Variants in COL21A1 observed in about 807,000 individuals in gnomAD.
COL21A1 encodes the protein collagen type XXI alpha 1 chain.
COL21A1 carries 149 observed loss-of-function variants against 137.9 expected under a neutral mutation model. That is an observed-to-expected ratio of 1.08 (90% CI 0.95 to 1.24). The LOEUF is 1.24. Ranked by LOEUF, COL21A1 falls within the 50% of genes most tolerant of loss-of-function variation. The probability of loss-of-function intolerance (pLI) is 0.00; values close to 1 mark genes in which losing one functional copy is unlikely to be tolerated. For missense variants in COL21A1, 1,167 were observed against 1,158.4 expected, an observed-to-expected ratio of 1.01 and a Z score of -0.11; for synonymous variants, 456 against 391.5, an observed-to-expected ratio of 1.16 and a Z score of -1.95.
At chr6:56,374,720 C>CAA (rs34067784) in intron 1 of COL21A1, among the ~76,000 whole-genome samples, 187 of 86,064 alleles carry the variant, frequency 2.2e-3, no homozygotes, top group African/African-American at 4.6e-3. Context: ...GACTTCGTCT[C>CAA]AAAAAAAAAA....
chr6:56,207,573 C>A (rs1385474852), intron 1 of COL21A1, among the ~76,000 whole-genome samples: 1 of 152,120 alleles, frequency 6.6e-6, no homozygotes, highest in East Asian at 1.9e-4. Context: ...AGTCCAGGAC[C>A]AGATGGATTC....
Position 56,125,568 on chromosome 6 carries a change from T to A in COL21A1, c.1649A>T (p.Lys550Met), listed in dbSNP as rs1333622106. 1 of 1,599,816 alleles carries A rather than the reference T, an allele frequency of 6.3e-7. No homozygotes were observed. Among genetic ancestry groups the A allele is most frequent in the African/African-American group, 1.3e-5 (1 of 74,828 alleles). ...DKGSPGFYGK[K>M]GAKGEKGNAG... ...CTTTGTTGTGTGATCTATACTTCCC[T>A]TTTTGCCATAAAATCCAGGTGATCC... Residue 550 changes from lysine (K) to methionine (M), a missense_variant and splice_region_variant, in exon 14 of 30, where the codon AAG becomes ATG. Coordinates refer to ENST00000244728, the MANE Select transcript of COL21A1 (RefSeq NM_030820.4).
At chr6:56,270,036 C>A (rs1221655666) in intron 1 of COL21A1, among the ~76,000 whole-genome samples, 1 of 152,186 alleles carries the variant, frequency 6.6e-6, no homozygotes, top group Non-Finnish European at 1.5e-5. Flanking sequence ...GTCTACAAAA[C>A]AACTAGCTAG....
At chr6:56,230,157 T>C (rs1781466537) in intron 1 of COL21A1, among the ~76,000 whole-genome samples, 1 of 151,966 alleles carries the variant, frequency 6.6e-6, no homozygotes, top group South Asian at 2.1e-4. Context: ...TGAAAGTCAT[T>C]TTTCTATAGG....
intron 1 of COL21A1, among the ~76,000 whole-genome samples, chr6:56,204,399 C>A (rs894974822): frequency 2.0e-5 from 3 of 152,120 alleles, no homozygotes; most frequent in Non-Finnish European, 2.9e-5. Flanking sequence ...TCAGCAAGGC[C>A]ATTGCTGCCA....
chr6:56,294,657 A>G (rs1208408014), intron 1 of COL21A1, among the ~76,000 whole-genome samples: 1 of 152,102 alleles, frequency 6.6e-6, no homozygotes, highest in Admixed American at 6.6e-5. Flanking sequence ...CAAATGTATA[A>G]TGTGTATAGT....
rs572962193 is a variant in COL21A1, at chr6:56,338,048, C to T, written c.-39+55923G>A. ...CGCAATCTCGGCTCACTGCAACCTC[C>T]GCCTCCCGGGTTCAAGCGATTCTCC... On this transcript the variant is annotated intron_variant, in intron 1 of 28. Transcript: ENST00000370819. 1.9e-3 allele frequency among the ~76,000 whole-genome samples: 292 copies of T among 150,670 alleles called. 1 individual carries two copies. The highest frequency in any genetic ancestry group is 6.9e-3 in the Middle Eastern group (2 of 290).
At chr6:56,108,754 T>C (rs1771164959) in intron 16 of COL21A1, among the ~76,000 whole-genome samples, 1 of 151,918 alleles carries the variant, frequency 6.6e-6, no homozygotes, top group Non-Finnish European at 1.5e-5. Flanking sequence ...TATGAATGTA[T>C]ATTGAGTTTT....
At position 56,375,406 on chromosome 6, in the gene COL21A1, T is replaced by C. The variant is rs1361877170; in HGVS notation, c.-39+18565A>G. Among the ~76,000 whole-genome samples the C allele has an allele frequency of 5.3e-5, 8 of 152,142 alleles. No individual in the cohort carries two copies. The East Asian group carries it at 1.5e-3, about 29-fold the overall frequency. On this transcript the variant is annotated intron_variant, in intron 1 of 28. Transcript: ENST00000370819. ...GTGGTAGGCACCCGTGGAAGAAGGA[T>C]AGGAGGAAAGTGAGTCTGAGATTAT... is the stretch of plus-strand genomic sequence containing the variant.
intron 1 of COL21A1, among the ~76,000 whole-genome samples, chr6:56,327,320 T>C (rs1359831030): frequency 6.6e-6 from 1 of 151,914 alleles, no homozygotes; most frequent in Admixed American, 6.6e-5. Flanking sequence ...GAAATAAAGA[T>C]AAATTACTAA....
intron 1 of COL21A1, among the ~76,000 whole-genome samples, chr6:56,334,972 C>T (rs1447754692): frequency 3.3e-5 from 5 of 152,156 alleles, no homozygotes; most frequent in African/African-American, 1.2e-4. Context: ...GCCTTCAGAA[C>T]TGTGAGAAAT....
Position 56,260,874 on chromosome 6 carries a change from GTGTA to G in COL21A1, c.-38-78222_-38-78219del, listed in dbSNP as rs1339135022. Among the ~76,000 whole-genome samples the G allele has an allele frequency of 1.7e-3, 236 of 141,660 alleles. 1 individual carries two copies. The highest frequency in any genetic ancestry group is 2.6e-3 in the Non-Finnish European group (161 of 62,008). The allele number at this position is 141,660 out of a possible 152,430, so 92.9% of individuals were successfully genotyped here. A position where few individuals can be genotyped will look rare whatever the true frequency, so the allele number is the denominator to read the frequency against. ...TGTGTGTGTGTGTGTGTGTGTGTGT[GTGTA>G]TGTGTGTGTGTGTGTACCTTTTATA... On this transcript the variant is annotated intron_variant, in intron 1 of 28. Coordinates refer to the COL21A1 transcript ENST00000370819.
chr6:56,098,666 AATAT>A (rs1205829932), intron 17 of COL21A1, among the ~76,000 whole-genome samples: 4 of 15,294 alleles, frequency 2.6e-4, no homozygotes, highest in South Asian at 1.7e-3. Context: ...AATATATATA[AATAT>A]ATATATAAAT....
chr6:56,191,857 C>A (rs781769742), intron 1 of COL21A1, among the ~76,000 whole-genome samples: 6 of 152,056 alleles, frequency 3.9e-5, no homozygotes, highest in Non-Finnish European at 8.8e-5. Context: ...CTACTTTAAA[C>A]TTCATATAGA....
At chr6:56,064,734 G>A (rs1228367628) in intron 23 of COL21A1, 112 bp from the exon 24 acceptor site, 2 of 581,244 alleles carry the variant, frequency 3.4e-6, no homozygotes, top group Non-Finnish European at 2.9e-6. Flanking sequence ...AACAAAAGCA[G>A]CGATACAAAT....
At chr6:56,128,295 T>A (rs192895421) in intron 12 of COL21A1, among the ~76,000 whole-genome samples, 1 of 152,328 alleles carries the variant, frequency 6.6e-6, no homozygotes, top group Admixed American at 6.5e-5. Context: ...CCTGAAAGCA[T>A]TCATGACAGG....
At chr6:56,391,760 G>C (rs2094030121) in intron 1 of COL21A1, among the ~76,000 whole-genome samples, 1 of 151,988 alleles carries the variant, frequency 6.6e-6, no homozygotes, top group South Asian at 2.1e-4. Flanking sequence ...TAGAACAACT[G>C]GATACATTAT....
intron 1 of COL21A1, among the ~76,000 whole-genome samples, chr6:56,254,244 A>T (rs1413981317): frequency 1.3e-5 from 2 of 152,252 alleles, no homozygotes; most frequent in Non-Finnish European, 2.9e-5. Flanking sequence ...GCTTCTTCTT[A>T]CAGAAACTCT....
At chr6:56,101,371 C>G in intron 17 of COL21A1, 101 bp downstream of exon 17, 1 of 859,658 alleles carries the variant, frequency 1.2e-6, no homozygotes, top group East Asian at 2.7e-5. Context: ...AGTCACTGAA[C>G]AAATAATAGG....
Sources: allele counts gnomAD v4.1 joint callset (sites outside exome capture counted in the v4.1 genomes callset), GRCh38; gene constraint gnomAD v4.1.1; transcripts MANE v1.5; gene names NCBI Gene and HGNC (gene_info 2026-07-23, HGNC 2026-07-21).